The following NPRL3 variants were observed in gnomAD, a reference collection of about 807,000 sequenced individuals.
NPRL3 encodes NPR3 like, GATOR1 complex subunit.
In NPRL3, 23 loss-of-function variants were observed where a neutral mutation model predicts 57.2. The observed-to-expected ratio is 0.40, with a 90% CI of 0.29 to 0.57. The LOEUF is 0.57. Among genes scored for constraint, NPRL3 ranks in the 20% least tolerant of loss-of-function variants. The probability of loss-of-function intolerance (pLI) is 0.42; values close to 1 mark genes in which losing one functional copy is unlikely to be tolerated. For missense variants in NPRL3, 691 were observed against 767.1 expected (o/e 0.90, Z 1.17); for synonymous variants, 333 against 321.1 (o/e 1.04, Z -0.39).
chr16:108,828 G>A (rs1191396244), intron 7 of NPRL3, among the ~76,000 whole-genome samples: 2 of 150,694 alleles, frequency 1.3e-5, no homozygotes, highest in African/African-American at 4.9e-5. Flanking sequence ...GCACCACCAC[G>A]CCCGGCTAAT....
chr16:88,454 C>T (rs539111779), intron 13 of NPRL3, among the ~76,000 whole-genome samples: 1 of 151,132 alleles, frequency 6.6e-6, no homozygotes, highest in Admixed American at 6.6e-5. Flanking sequence ...CTAAGAAGTA[C>T]TGGAGAGAGA....
At chr16:91,787 T>C (rs1230787812) in intron 11 of NPRL3, among the ~76,000 whole-genome samples, 2 of 152,244 alleles carry the variant, frequency 1.3e-5, no homozygotes, top group Non-Finnish European at 2.9e-5. Context: ...ACTCAGATAC[T>C]TCTGGAGACA....
chr16:105,872 G>A (rs867435154), intron 7 of NPRL3, among the ~76,000 whole-genome samples: 3 of 152,160 alleles, frequency 2.0e-5, no homozygotes, highest in Non-Finnish European at 4.4e-5. Context: ...GGATCCACAG[G>A]GAGACACAAG....
intron 3 of NPRL3, among the ~76,000 whole-genome samples, chr16:124,113 G>A (rs981548941): frequency 4.8e-4 from 1 of 2,096 alleles, no homozygotes; most frequent in Admixed American, 4.8e-3. Context: ...CTCCCAACAT[G>A]TGAGAAACAG....
intron 10 of NPRL3, 126 bp downstream of exon 10, chr16:93,093 A>G: frequency 1.4e-6 from 1 of 701,480 alleles, no homozygotes; most frequent in Non-Finnish European, 2.5e-6. Context: ...CTGAAGTGAG[A>G]GCCTGGCCTT....
intron 8 of NPRL3, 30 bp from the exon 9 acceptor site, chr16:98,331 A>G (rs1899111872): frequency 6.2e-7 from 1 of 1,610,348 alleles, no homozygotes; most frequent in Non-Finnish European, 8.5e-7. Context: ...CACGGAACAC[A>G]CGAAGTGCAG....
intron 6 of NPRL3, among the ~76,000 whole-genome samples, chr16:111,839 A>T (rs1899829396): frequency 6.6e-6 from 1 of 152,104 alleles, no homozygotes; most frequent in African/African-American, 2.4e-5. Flanking sequence ...AATTTTACTT[A>T]TTGCTACAAC....
rs753259265 is a variant in NPRL3 at position 85,617 on chromosome 16, G to A, written c.*1088C>T. The A allele has an allele frequency of 4.5e-5, 72 of 1,604,204 alleles. No homozygotes were observed. Among genetic ancestry groups the A allele is most frequent in the Non-Finnish European group, 5.5e-5 (65 of 1,172,964 alleles). On this transcript the variant is annotated 3_prime_UTR_variant, in exon 14 of 14. Coordinates refer to ENST00000611875, the MANE Select transcript of NPRL3 (RefSeq NM_001077350.3). The stretch of plus-strand genomic sequence containing the variant: ...CAGGATGAAGCTGTATGGCTGGAGC[G>A]TGGTCCCCTGGAGCCCAGTGAGCCG...
intron 2 of NPRL3, among the ~76,000 whole-genome samples, chr16:132,774 A>G (rs1235746139): frequency 6.9e-6 from 1 of 145,446 alleles, no homozygotes; most frequent in Non-Finnish European, 1.5e-5. Context: ...GATTCACGCC[A>G]TTCTCCTGCC....
rs1311472407 is a variant in NPRL3, at chr16:85,616, C to T, written c.*1089G>A. 13 of 1,604,106 alleles carry T rather than the reference C, an allele frequency of 8.1e-6. No homozygotes were observed. Among genetic ancestry groups the T allele is most frequent in the East Asian group, 2.2e-5 (1 of 44,632 alleles). On this transcript the variant is annotated 3_prime_UTR_variant, in exon 14 of 14. Transcript: ENST00000611875. ...ACAGGATGAAGCTGTATGGCTGGAG[C>T]GTGGTCCCCTGGAGCCCAGTGAGCC... is the stretch of plus-strand genomic sequence containing the variant.
At chr16:90,235 T>TGTG (rs1898706612) in intron 11 of NPRL3, 1 of 302,934 alleles carries the variant, frequency 3.3e-6, no homozygotes, top group African/African-American at 2.2e-5. Flanking sequence ...CCCCCCACCC[T>TGTG]GTGCTGCTGC....
chr16:130,515 C>G lies in NPRL3; in HGVS notation c.188+7G>C. Reference sequence around the variant, plus strand: ...GCCCCGCCCTGAAGTGGCCGCAGAGCCTTTACCTGGAATCGCCGTCCTGCT... The same window carrying G: ...GCCCCGCCCTGAAGTGGCCGCAGAGGCTTTACCTGGAATCGCCGTCCTGCT... On this transcript the variant is annotated splice_region_variant and intron_variant, in intron 3 of 13. Transcript: ENST00000611875. The G allele has an allele frequency of 1.3e-6, 2 of 1,550,236 alleles. No homozygotes were observed. The highest frequency in any genetic ancestry group is 1.7e-6 in the Non-Finnish European group (2 of 1,147,252).
At chr16:125,479 T>C (rs761706335) in intron 3 of NPRL3, among the ~76,000 whole-genome samples, 3 of 152,206 alleles carry the variant, frequency 2.0e-5, no homozygotes, top group Non-Finnish European at 4.4e-5. Flanking sequence ...CAGACTTGCG[T>C]CTGCCCCTCT....
chr16:127,654 A>ATT (rs555123884), intron 3 of NPRL3, among the ~76,000 whole-genome samples: 15 of 139,896 alleles, frequency 1.1e-4, no homozygotes, highest in African/African-American at 7.9e-5. Context: ...GAGCAAGTGA[A>ATT]TTTTTTTTTT....
chr16:93,240 G>A lies in NPRL3; in HGVS notation c.1010C>T (p.Ser337Phe). The change falls in exon 10 of 14, where the codon TCT becomes TTT. Residue 337 changes from serine to phenylalanine, a missense_variant. Physicochemically the swap from Ser to Phe is radical, Grantham distance 155. Transcript: ENST00000611875. ...TCACAGACATACGCTGGCATTGGGA[G>A]ACAGCATGTAGACGTTGTTCTCACA... ...PLCENNVYML[S>F]PNASVCLYSP... The A allele has an allele frequency of 1.9e-6, 3 of 1,556,364 alleles. No homozygotes were observed. The highest frequency in any genetic ancestry group is 2.6e-6 in the Non-Finnish European group (3 of 1,149,532).
At chr16:111,208 G>A (rs1899794620) in intron 6 of NPRL3, among the ~76,000 whole-genome samples, 1 of 151,752 alleles carries the variant, frequency 6.6e-6, no homozygotes, top group African/African-American at 2.4e-5. Context: ...GACCATCCTG[G>A]CTAACACGGT....
In NPRL3 at chr16:88,849, T is replaced by C; in HGVS notation, c.1393A>G (p.Asn465Asp). The change falls in exon 13 of 14, where the codon AAC (asparagine) becomes GAC (aspartate). Residue 465 changes from asparagine (N) to aspartate (D), a missense_variant. Coordinates refer to ENST00000611875, the MANE Select transcript of NPRL3 (RefSeq NM_001077350.3). The stretch of plus-strand genomic sequence containing the variant: ...CTGGGAAGTAGCTCTGCGCTGGAGT[T>C]GTCCATGCTGGGGCTGGTGAGGGTC... ...DMTLTSPSMD[N>D]SSAELLPSGD... The C allele has an allele frequency of 6.2e-7, 1 of 1,613,746 alleles. No individual in the cohort carries two copies. Among genetic ancestry groups the C allele is most frequent in the Non-Finnish European group, 8.5e-7 (1 of 1,179,734 alleles).
At chr16:99,806 G>A (rs1039600635) in intron 8 of NPRL3, among the ~76,000 whole-genome samples, 7 of 150,964 alleles carry the variant, frequency 4.6e-5, no homozygotes, top group African/African-American at 1.5e-4. Flanking sequence ...GGCAGTGGGC[G>A]CCTGTAATCC....
chr16:88,929 C>T (rs1898631897), intron 12 of NPRL3, 39 bp from the exon 13 acceptor site: 2 of 1,579,596 alleles, frequency 1.3e-6, no homozygotes, highest in African/African-American at 2.7e-5. Context: ...AGTGGAATTC[C>T]AGGACACCCA....
Sources: gnomAD v4.1 joint callset for allele counts (sites outside exome capture counted in the v4.1 genomes callset) on GRCh38, gnomAD v4.1.1 for gene constraint, MANE v1.5 for transcripts, NCBI Gene and HGNC (gene_info 2026-07-23, HGNC 2026-07-21) for gene names.